TRIM62: variants seen among roughly 807,000 people sequenced by gnomAD.
The protein encoded by TRIM62 is tripartite motif containing 62, also known as E3 ubiquitin-protein ligase TRIM62.
A neutral mutation model predicts 44.2 loss-of-function variants in TRIM62; 39 were observed. The observed-to-expected ratio is 0.88, with a 90% confidence interval of 0.68 to 1.15. The LOEUF (loss-of-function observed/expected upper bound fraction) is 1.15, where lower values mean the gene tolerates loss of function less well. Among genes scored for constraint, TRIM62 ranks in the 50% most tolerant of loss-of-function variants. The pLI is 0.00. For missense variants in TRIM62, 544 were observed against 665.5 expected, an observed-to-expected ratio of 0.82 and a Z score of 2.01; for synonymous variants, 278 against 292.3, an observed-to-expected ratio of 0.95 and a Z score of 0.50.
chr1:33,166,851 T>C (rs577932343), intron 1 of TRIM62, among the ~76,000 whole-genome samples: 115 of 152,348 alleles, frequency 7.5e-4, no homozygotes, highest in African/African-American at 2.6e-3. Flanking sequence ...TTGTTAGTGA[T>C]CCTGGCCTTG....
chr1:33,159,683 C>T lies in TRIM62; in HGVS notation c.761+5G>A, dbSNP rs906262815. 1 of 1,603,278 alleles carries T rather than the reference C, an allele frequency of 6.2e-7. No individual in the cohort carries two copies. ...CCGGGGAGGGCCCCGGCGGGTGGCACTTACCGCTCGGACAGTGAGGCCACC... is the reference window on the plus strand; with the variant it reads ...CCGGGGAGGGCCCCGGCGGGTGGCATTTACCGCTCGGACAGTGAGGCCACC... On this transcript the variant is annotated splice_donor_5th_base_variant and intron_variant, in intron 3 of 4. Coordinates refer to ENST00000291416, the MANE Select transcript of TRIM62 (RefSeq NM_018207.3). The surrounding 1 kb of genome is among the most constrained non-coding windows in gnomAD (Gnocchi z 4.2).
chr1:33,166,992 C>A (rs1302155968), intron 1 of TRIM62, among the ~76,000 whole-genome samples: 1 of 152,194 alleles, frequency 6.6e-6, no homozygotes, highest in Non-Finnish European at 1.5e-5. Flanking sequence ...GTCTCCAACA[C>A]CCTCCCCCAT....
rs190905767 is a variant in TRIM62, at chr1:33,176,822, T to C, written c.408+4203A>G. ...TCTGTTTCTTCATCAGTAGAAGAAA[T>C]AGATAACAATACCCATCCCACAGGG... is the stretch of plus-strand genomic sequence containing the variant. On this transcript the variant is annotated intron_variant, in intron 1 of 4. Coordinates refer to ENST00000291416, the MANE Select transcript of TRIM62 (RefSeq NM_018207.3). 1.9e-4 allele frequency among the ~76,000 whole-genome samples: 29 copies of C among 152,258 alleles called. No homozygotes were observed. In the East Asian group the frequency reaches 5.4e-3, roughly 28 times the overall value.
rs1273235281 is a variant in TRIM62 at position 33,177,064 on chromosome 1, C to T, written c.408+3961G>A. Among the ~76,000 whole-genome samples, 5 of 64,338 alleles carry T rather than the reference C, an allele frequency of 7.8e-5. No individual in the cohort carries two copies. Among genetic ancestry groups the T allele is most frequent in the South Asian group, 9.0e-4 (2 of 2,220 alleles). 42.2% of individuals were successfully genotyped at this position (64,338 alleles called of 152,430 possible). A position where few individuals can be genotyped will look rare whatever the true frequency, so the allele number is the denominator to read the frequency against. ...GCACACACACACGCACACACACACA[C>T]ATGCACACACACACATGCATGCACA... On this transcript the variant is annotated intron_variant, in intron 1 of 4. Transcript: ENST00000291416. The surrounding 1 kb of genome is among the most constrained non-coding windows in gnomAD (Gnocchi z 4.1).
At chr1:33,170,340 C>T (rs965657770) in intron 1 of TRIM62, among the ~76,000 whole-genome samples, 12 of 151,734 alleles carry the variant, frequency 7.9e-5, no homozygotes, top group South Asian at 4.2e-4. Flanking sequence ...AAAAAATCTC[C>T]CCTACTAGAT....
At position 33,177,933 on chromosome 1, in the gene TRIM62, T is replaced by C. The variant is rs1480130630; in HGVS notation, c.408+3092A>G. Among the ~76,000 whole-genome samples, 1 of 152,208 alleles carries C rather than the reference T, an allele frequency of 6.6e-6. No homozygotes were observed. Among genetic ancestry groups the C allele is most frequent in the Non-Finnish European group, 1.5e-5 (1 of 68,046 alleles). Reference sequence around the variant, plus strand: ...CCATGAAGGACCCAAGGCTCAGAGATGGTAAATAATCTTCCCAAAGTCACA... The same window carrying C: ...CCATGAAGGACCCAAGGCTCAGAGACGGTAAATAATCTTCCCAAAGTCACA... On this transcript the variant is annotated intron_variant, in intron 1 of 4. Transcript: ENST00000291416. The surrounding 1 kb of genome is among the most constrained non-coding windows in gnomAD (Gnocchi z 4.1).
chr1:33,165,449 T>C lies in TRIM62; in HGVS notation c.504+22A>G. ...TGCCCTCATCTCTGCCGGCCCCACC[T>C]CCGCGCCCCGGCCAGGCTCACCTTG... On this transcript the variant is annotated intron_variant, in intron 2 of 4. Coordinates refer to ENST00000291416, the MANE Select transcript of TRIM62 (RefSeq NM_018207.3). The surrounding 1 kb of genome is among the most constrained non-coding windows in gnomAD (Gnocchi z 4.0). 1 of 1,560,762 alleles carries C rather than the reference T, an allele frequency of 6.4e-7. No individual in the cohort carries two copies. The highest frequency in any genetic ancestry group is 8.7e-7 in the Non-Finnish European group (1 of 1,150,916).
rs765853354 is a variant in TRIM62, at chr1:33,147,728, C to T, written c.878-1G>A. ...GGGTCCAGGGTTAGGGCGGCTGGCACTGTGGGGGTTGGAGGAGGGAGAGAA... is the reference window on the plus strand; with the variant it reads ...GGGTCCAGGGTTAGGGCGGCTGGCATTGTGGGGGTTGGAGGAGGGAGAGAA... On this transcript the variant is annotated splice_acceptor_variant, in intron 4 of 4. Coordinates refer to ENST00000291416, the MANE Select transcript of TRIM62 (RefSeq NM_018207.3). LOFTEE classifies it high-confidence loss of function. This position sits in a 1 kb window ranked among gnomAD's most constrained non-coding sequence, Gnocchi z 8.1. 1 of 1,607,546 alleles carries T rather than the reference C, an allele frequency of 6.2e-7. No homozygotes were observed. The highest frequency in any genetic ancestry group is 1.1e-5 in the South Asian group (1 of 90,798).
intron 4 of TRIM62, among the ~76,000 whole-genome samples, chr1:33,151,174 A>C (rs970071466): frequency 7.2e-5 from 11 of 152,084 alleles, no homozygotes; most frequent in African/African-American, 2.7e-4. Flanking sequence ...AGACAAAGAT[A>C]AGCCTGCAGA....
At chr1:33,149,438 G>T (rs536122595) in intron 4 of TRIM62, among the ~76,000 whole-genome samples, 5 of 150,516 alleles carry the variant, frequency 3.3e-5, no homozygotes, top group Non-Finnish European at 5.9e-5. Flanking sequence ...ACAGGCATGA[G>T]CCACTGTGCT....
At chr1:33,164,027 C>T (rs909875753) in intron 2 of TRIM62, 2 of 152,316 alleles carry the variant, frequency 1.3e-5, no homozygotes, top group African/African-American at 2.4e-5. Flanking sequence ...GCCCATAATA[C>T]TCCGCTCTCA....
chr1:33,173,850 T>C (rs1489152582), intron 1 of TRIM62, among the ~76,000 whole-genome samples: 1 of 151,484 alleles, frequency 6.6e-6, no homozygotes, highest in African/African-American at 2.4e-5. Flanking sequence ...CAGGCATGCA[T>C]CATGCCTGGA....
chr1:33,164,687 G>A (rs1264241747), intron 2 of TRIM62: 2 of 152,268 alleles, frequency 1.3e-5, no homozygotes, highest in Non-Finnish European at 2.9e-5. Flanking sequence ...TGAGCTTAAG[G>A]GGAGATGATA....
At chr1:33,168,031 C>T (rs1645343805) in intron 1 of TRIM62, among the ~76,000 whole-genome samples, 1 of 152,052 alleles carries the variant, frequency 6.6e-6, no homozygotes. Flanking sequence ...AGCGAGGTTA[C>T]CAATATGGTG....
intron 2 of TRIM62, chr1:33,162,788 C>G (rs552287791): frequency 6.6e-6 from 1 of 152,550 alleles, no homozygotes; most frequent in East Asian, 1.9e-4. Flanking sequence ...TCCTACTGAC[C>G]TACCTGGCTT....
rs992313165 is a variant in TRIM62, at chr1:33,181,178, G to T, written c.255C>A (p.Asn85Lys). ...YSSFPLDAIL[N>K]ARRAARPCQA... ...GGCAGGGTCGCGCGGCGCGGCGCGC[G>T]TTGAGGATGGCGTCCAGCGGGAAGG... The change falls in exon 1 of 5, where the codon AAC becomes AAA. Residue 85 changes from asparagine to lysine, a missense_variant. Coordinates refer to ENST00000291416, the MANE Select transcript of TRIM62 (RefSeq NM_018207.3). This position sits in a 1 kb window ranked among gnomAD's most constrained non-coding sequence, Gnocchi z 6.5. 13 of 1,595,506 alleles carry T rather than the reference G, an allele frequency of 8.1e-6. No homozygotes were observed. The African/African-American group carries it at 1.6e-4, about 20-fold the overall frequency.
chr1:33,165,455 C>G lies in TRIM62; in HGVS notation c.504+16G>C. On this transcript the variant is annotated intron_variant, in intron 2 of 4. Coordinates refer to ENST00000291416, the MANE Select transcript of TRIM62 (RefSeq NM_018207.3). This position sits in a 1 kb window ranked among gnomAD's most constrained non-coding sequence, Gnocchi z 4.0. ...CATCTCTGCCGGCCCCACCTCCGCG[C>G]CCCGGCCAGGCTCACCTTGGTCTCC... is the stretch of plus-strand genomic sequence containing the variant. The G allele has an allele frequency of 6.3e-7, 1 of 1,576,448 alleles. No individual in the cohort carries two copies. Among genetic ancestry groups the G allele is most frequent in the East Asian group, 2.3e-5 (1 of 42,950 alleles).
At position 33,146,599 on chromosome 1, in the gene TRIM62, C is replaced by G. The variant is rs147245201; in HGVS notation, c.*578G>C. The G allele has an allele frequency of 6.2e-6, 1 of 162,172 alleles. No individual in the cohort carries two copies. The highest frequency in any genetic ancestry group is 5.6e-5 in the Admixed American group (1 of 17,740). The allele number at this position is 162,172 out of a possible 1,614,324, so 10.0% of individuals were successfully genotyped here. On this transcript the variant is annotated 3_prime_UTR_variant, in exon 5 of 5. Transcript: ENST00000291416. ...CACAGGCCACAGCATCATCACTGAC[C>G]AGCAGATCAGTGGGAGAAGTAGGAA...
intron 2 of TRIM62, among the ~76,000 whole-genome samples, chr1:33,162,145 A>G (rs577371076): frequency 1.3e-5 from 2 of 152,286 alleles, no homozygotes; most frequent in South Asian, 2.1e-4. Context: ...TAAAGTGCCA[A>G]CTGAATCACA....
Sources: gnomAD v4.1 joint callset for allele counts (sites outside exome capture counted in the v4.1 genomes callset) on GRCh38, gnomAD v4.1.1 for gene constraint, Gnocchi (gnomAD v3.1) non-coding constraint, MANE v1.5 for transcripts, NCBI Gene and HGNC (gene_info 2026-07-23, HGNC 2026-07-21) for gene names.